GMPPA: variants seen among roughly 807,000 people sequenced by gnomAD.
The protein encoded by GMPPA is GDP-mannose pyrophosphorylase A.
In GMPPA, 46 loss-of-function variants were observed where a neutral mutation model predicts 58.6. The ratio of observed to expected loss-of-function variants is 0.78; its 90% confidence interval spans 0.62 to 1.00. The LOEUF (loss-of-function observed/expected upper bound fraction) is 1.00, where lower values mean the gene tolerates loss of function less well. Among genes scored for constraint, GMPPA ranks in the 50% least tolerant of loss-of-function variants. The probability of loss-of-function intolerance (pLI) is 0.00; values close to 1 mark genes in which losing one functional copy is unlikely to be tolerated. For synonymous variants in GMPPA, 211 were observed against 214.9 expected, an observed-to-expected ratio of 0.98 and a Z score of 0.16; for missense variants, 468 against 556.4, an observed-to-expected ratio of 0.84 and a Z score of 1.60.
chr2:219,500,608 A>C (rs1694356509), intron 3 of GMPPA: 2 of 244,750 alleles, frequency 8.2e-6, no homozygotes, highest in African/African-American at 4.4e-5. Context: ...TTTGGTTTGA[A>C]TTCAGTCTCT....
At chr2:219,506,612 C>A in intron 12 of GMPPA, 86 bp from the exon 13 acceptor site, 1 of 981,110 alleles carries the variant, frequency 1.0e-6, no homozygotes, top group Non-Finnish European at 1.6e-6. Context: ...GGCAGGAGGG[C>A]TCCCTCCCTG....
At chr2:219,506,164 C>T (rs1446205370) in intron 11 of GMPPA, 90 bp from the exon 12 acceptor site, 49 of 1,477,528 alleles carry the variant, frequency 3.3e-5, no homozygotes, top group African/African-American at 9.7e-5. Flanking sequence ...GGGTGAACGC[C>T]GTGGGCTCTG....
Position 219,499,975 on chromosome 2 carries a change from T to C in GMPPA, c.-1T>C. ...TTGAAGTTTAGGTAGCAGTCACCAT[T>C]ATGCTCAAAGCGGTGATCCTGATTG... On this transcript the variant is annotated 5_prime_UTR_variant, in exon 2 of 13. Transcript: ENST00000313597. The C allele has an allele frequency of 1.2e-6, 2 of 1,613,660 alleles. No homozygotes were observed. Among genetic ancestry groups the C allele is most frequent in the South Asian group, 2.2e-5 (2 of 91,060 alleles).
In GMPPA at chr2:219,505,986, C is replaced by T. The variant is rs201142628; in HGVS notation, c.907C>T (p.Pro303Ser). 3 of 1,577,640 alleles carry T rather than the reference C, an allele frequency of 1.9e-6. No homozygotes were observed. Among genetic ancestry groups the T allele is most frequent in the East Asian group, 4.6e-5 (2 of 43,394 alleles). ...TGTGTGCTTCTCTCCACAGCTGGGC[C>T]CCAACGTCTCCATCGGGAAGGGGGT... Reference protein sequence around the residue: ...AKVAPSAVLGPNVSIGKGVTV... With the variant: ...AKVAPSAVLGSNVSIGKGVTV... Residue 303 changes from proline to serine, a missense_variant, in exon 11 of 13, where the codon CCC (proline) becomes TCC (serine). Coordinates refer to ENST00000313597, the MANE Select transcript of GMPPA (RefSeq NM_013335.4).
rs1694426512 is a variant in GMPPA, at chr2:219,502,286, G to T, written c.430-96G>T. ...CTGAAGGCCTGTCAGTGGCAGAGCT[G>T]CATGCCAGGTGCTGTAGCGGAGGGA... On this transcript the variant is annotated intron_variant, in intron 5 of 12. Transcript: ENST00000313597. This position sits in a 1 kb window ranked among gnomAD's most constrained non-coding sequence, Gnocchi z 4.0. 9.1e-6 allele frequency: 10 copies of T among 1,099,336 alleles called. No individual in the cohort carries two copies. The Admixed American group carries it at 1.1e-4, about 12-fold the overall frequency. The allele number at this position is 1,099,336 out of a possible 1,614,324, so 68.1% of individuals were successfully genotyped here.
rs764710777 is a variant in GMPPA, at chr2:219,500,203, T to G, written c.123T>G (p.Ile41Met). The G allele has an allele frequency of 6.4e-7, 1 of 1,568,796 alleles. No homozygotes were observed. Among genetic ancestry groups the G allele is most frequent in the Non-Finnish European group, 8.7e-7 (1 of 1,152,280 alleles). The change falls in exon 3 of 13, where the codon ATT becomes ATG. Residue 41 changes from isoleucine to methionine, a missense_variant. Ile to Met is a conservative substitution (Grantham distance 10, BLOSUM62 1). Coordinates refer to ENST00000313597, the MANE Select transcript of GMPPA (RefSeq NM_013335.4). ...GGGTCCCTATGATCCAACACCATAT[T>G]GAAGCCTGTGCCCAGGTAACCTCAG... The part of the protein sequence containing the change: ...VAGVPMIQHH[I>M]EACAQVPGMQ...
chr2:219,500,259 T>C (rs371952981), intron 3 of GMPPA, 41 bp downstream of exon 3: 27 of 1,064,496 alleles, frequency 2.5e-5, no homozygotes, highest in Non-Finnish European at 3.4e-5. Flanking sequence ...ACTTCCTGCT[T>C]ATCTTCATGC....
At chr2:219,500,060 T>C (rs1694334646) in intron 2 of GMPPA, 45 bp downstream of exon 2, 1 of 1,604,892 alleles carries the variant, frequency 6.2e-7, no homozygotes, top group African/African-American at 1.3e-5. Flanking sequence ...GCTGGAGTGG[T>C]AGGCGGGATG....
chr2:219,503,687 A>C (rs1311051926), intron 6 of GMPPA, among the ~76,000 whole-genome samples: 2 of 152,218 alleles, frequency 1.3e-5, no homozygotes. Context: ...GTGCCCAGGC[A>C]TGAACAGCTA....
At position 219,502,815 on chromosome 2, in the gene GMPPA, A is replaced by C. The variant is rs1343014220; in HGVS notation, c.489+374A>C. 6.6e-6 allele frequency among the ~76,000 whole-genome samples: 1 copy of C among 152,092 alleles called. No individual in the cohort carries two copies. Among genetic ancestry groups the C allele is most frequent in the East Asian group, 1.9e-4 (1 of 5,190 alleles). ...AGGTACTACAGGCAGAGGGAATGGC[A>C]GGTATAAAGGCCTGGAGGCAGGAAG... On this transcript the variant is annotated intron_variant, in intron 6 of 12. Coordinates refer to ENST00000313597, the MANE Select transcript of GMPPA (RefSeq NM_013335.4). This position sits in a 1 kb window ranked among gnomAD's most constrained non-coding sequence, Gnocchi z 4.0.
In GMPPA at chr2:219,506,717, T is replaced by A. The variant is rs1295647960; in HGVS notation, c.1182T>A (p.Pro394=). Residue 394 remains proline, a synonymous_variant, in exon 13 of 13, where the codon CCT becomes CCA. Transcript: ENST00000313597. ...ITILGCRVRI[P]AEVLILNSIV... The stretch of plus-strand genomic sequence containing the variant: ...CTGCAGGCTGCCGAGTCCGGATCCC[T>A]GCCGAGGTGCTCATCCTGAACTCGA... 6 of 1,603,020 alleles carry A rather than the reference T, an allele frequency of 3.7e-6. No homozygotes were observed. Among genetic ancestry groups the A allele is most frequent in the Non-Finnish European group, 5.1e-6 (6 of 1,170,102 alleles).
chr2:219,499,582 G>A (rs902142806), intron 1 of GMPPA, among the ~76,000 whole-genome samples: 3 of 152,198 alleles, frequency 2.0e-5, no homozygotes, highest in African/African-American at 7.2e-5. Flanking sequence ...TCAAATTGTG[G>A]GGTGTGAATT....
chr2:219,506,604 C>G (rs1694602339), intron 12 of GMPPA, 94 bp from the exon 13 acceptor site: 1 of 963,730 alleles, frequency 1.0e-6, no homozygotes, highest in Non-Finnish European at 1.6e-6. Context: ...CACAGATGGG[C>G]AGGAGGGCTC....
chr2:219,502,181 G>A lies in GMPPA; in HGVS notation c.429+144G>A. The A allele has an allele frequency of 1.1e-6, 1 of 930,622 alleles. No homozygotes were observed. Among genetic ancestry groups the A allele is most frequent in the East Asian group, 2.5e-5 (1 of 40,292 alleles). 57.6% of individuals were successfully genotyped at this position (930,622 alleles called of 1,614,324 possible). ...GGGAGATGCGCTGCTCTGGCAGCATGGAGGTGTTAGTGGAGACCCCGAGCC... is the reference window on the plus strand; with the variant it reads ...GGGAGATGCGCTGCTCTGGCAGCATAGAGGTGTTAGTGGAGACCCCGAGCC... On this transcript the variant is annotated intron_variant, in intron 5 of 12. Transcript: ENST00000313597. This position sits in a 1 kb window ranked among gnomAD's most constrained non-coding sequence, Gnocchi z 4.0.
chr2:219,506,328 C>T lies in GMPPA; in HGVS notation c.1068C>T (p.Thr356=). 2 of 1,613,904 alleles carry T rather than the reference C, an allele frequency of 1.2e-6. No homozygotes were observed. The highest frequency in any genetic ancestry group is 1.7e-6 in the Non-Finnish European group (2 of 1,179,940). ...GACGCTGGGCCCGCGTGGAGGGTAC[C>T]CCCAGTGACCCTAACCCCAACGATC... ...TVGRWARVEG[T]PSDPNPNDPR... The change falls in exon 12 of 13, where the codon ACC becomes ACT. Residue 356 remains threonine (T), a synonymous_variant. Coordinates refer to ENST00000313597, the MANE Select transcript of GMPPA (RefSeq NM_013335.4).
At chr2:219,506,218 C>T (rs1372073190) in intron 11 of GMPPA, 36 bp from the exon 12 acceptor site, 1 of 1,577,554 alleles carries the variant, frequency 6.3e-7, no homozygotes, top group Non-Finnish European at 8.6e-7. Context: ...CTGCCTCCTG[C>T]CTCTTCCCCT....
At chr2:219,504,540 G>A (rs1694508533) in intron 7 of GMPPA, 1 of 377,096 alleles carries the variant, frequency 2.7e-6, no homozygotes, top group Admixed American at 4.4e-5. Flanking sequence ...GTGCAGACGT[G>A]TGCACGTGCA....
chr2:219,500,054 G>C (rs1694334344), intron 2 of GMPPA, 39 bp downstream of exon 2: 3 of 1,609,206 alleles, frequency 1.9e-6, no homozygotes, highest in Non-Finnish European at 2.6e-6. Flanking sequence ...GGTTGGGCTG[G>C]AGTGGTAGGC....
chr2:219,506,141 C>G, intron 11 of GMPPA, 69 bp downstream of exon 11: 2 of 1,467,424 alleles, frequency 1.4e-6, no homozygotes, highest in South Asian at 1.2e-5. Flanking sequence ...GGCATCCCCC[C>G]AAGAACAGAG....
Sources: allele counts gnomAD v4.1 joint callset (sites outside exome capture counted in the v4.1 genomes callset), GRCh38; gene constraint gnomAD v4.1.1; non-coding constraint Gnocchi (gnomAD v3.1); transcripts MANE v1.5; gene names NCBI Gene and HGNC (gene_info 2026-07-23, HGNC 2026-07-21).